Variants in RAP1GAP2 observed in about 807,000 individuals in gnomAD.
RAP1GAP2 encodes RAP1 GTPase activating protein 2.
A neutral mutation model predicts 95.0 loss-of-function variants in RAP1GAP2; 27 were observed. That is an observed-to-expected ratio of 0.28 (90% confidence interval 0.21 to 0.39). The LOEUF is 0.39. RAP1GAP2 is among the 10% of genes least tolerant of loss of function. RAP1GAP2 has a pLI of 1.00. For missense variants in RAP1GAP2, 771 were observed against 970.0 expected (o/e 0.79, Z 2.72); for synonymous variants, 373 against 380.9 (o/e 0.98, Z 0.24).
intron 3 of RAP1GAP2, among the ~76,000 whole-genome samples, chr17:2,920,611 G>A (rs1015150230): frequency 6.6e-6 from 1 of 152,202 alleles, no homozygotes; most frequent in African/African-American, 2.4e-5. Context: ...TTTATAGAAC[G>A]GAGCTCACCC....
intron 3 of RAP1GAP2, among the ~76,000 whole-genome samples, chr17:2,928,501 C>G (rs1399598716): frequency 6.6e-6 from 1 of 152,102 alleles, no homozygotes. Flanking sequence ...GACGGAGGCA[C>G]TGCCTTCTGC....
chr17:2,930,759 A>C (rs976213014), intron 3 of RAP1GAP2, among the ~76,000 whole-genome samples: 1 of 152,208 alleles, frequency 6.6e-6, no homozygotes, highest in Admixed American at 6.5e-5. Flanking sequence ...AGGACAGGCA[A>C]ATTAGAAACT....
intron 2 of RAP1GAP2, among the ~76,000 whole-genome samples, chr17:2,868,510 G>C (rs2072709603): frequency 7.2e-6 from 1 of 139,438 alleles, no homozygotes; most frequent in Admixed American, 8.3e-5. Context: ...TCCTCTACCA[G>C]GTGCAATTTT....
intron 24 of RAP1GAP2, chr17:3,032,947 G>A (rs745309122): frequency 1.1e-5 from 2 of 178,120 alleles, no homozygotes; most frequent in African/African-American, 2.4e-5. Context: ...CAGAGTGGCC[G>A]TGGGTCCAGC....
At chr17:2,984,212 A>G (rs997028222) in intron 10 of RAP1GAP2, among the ~76,000 whole-genome samples, 1 of 151,982 alleles carries the variant, frequency 6.6e-6, no homozygotes, top group Admixed American at 6.6e-5. Context: ...AGCCGGTGTG[A>G]TGGTGGGGGC....
intron 2 of RAP1GAP2, among the ~76,000 whole-genome samples, chr17:2,845,873 TA>T (rs140510612): frequency 0.14 from 21,120 of 147,476 alleles, 1,704 homozygotes; most frequent in Middle Eastern, 0.18. Context: ...AATAAATAAA[TA>T]AAATAAAATA....
chr17:2,755,762 G>A (rs552730017), exon 1 of RAP1GAP2: 3 of 356,184 alleles, frequency 8.4e-6, no homozygotes, highest in Admixed American at 4.7e-5. Context: ...GGCAGCTGGT[G>A]CGCTGGTGAG....
intron 3 of RAP1GAP2, among the ~76,000 whole-genome samples, chr17:2,916,644 T>C (rs2042578424): frequency 6.6e-6 from 1 of 152,148 alleles, no homozygotes. Context: ...ATAGGGACGG[T>C]GGCCACCGGG....
At chr17:2,821,156 C>G (rs2070287589) in intron 2 of RAP1GAP2, among the ~76,000 whole-genome samples, 1 of 152,040 alleles carries the variant, frequency 6.6e-6, no homozygotes, top group Non-Finnish European at 1.5e-5. Flanking sequence ...TCCACAGGCC[C>G]AGGGATGCGC....
intron 8 of RAP1GAP2, among the ~76,000 whole-genome samples, chr17:2,978,663 G>A (rs2045226744): frequency 6.6e-6 from 1 of 152,204 alleles, no homozygotes; most frequent in African/African-American, 2.4e-5. Context: ...GCCGGGTGCT[G>A]TGGCTCACCC....
intron 19 of RAP1GAP2, among the ~76,000 whole-genome samples, chr17:3,021,430 CTTTTTTTTTTTT>C (rs57099220): frequency 2.1e-5 from 2 of 95,780 alleles, no homozygotes; most frequent in South Asian, 1.0e-3. Flanking sequence ...CGATATTTGT[CTTTTTTTTTTTT>C]TTTTTTTTTT....
chr17:2,853,048 G>T (rs2071942633), intron 2 of RAP1GAP2, among the ~76,000 whole-genome samples: 1 of 152,160 alleles, frequency 6.6e-6, no homozygotes, highest in East Asian at 1.9e-4. Context: ...CGGGGTCGCC[G>T]TGAAGTTGGT....
rs1156801416 is a variant in RAP1GAP2, at chr17:2,904,774, G to C, written c.81-510G>C. On this transcript the variant is annotated intron_variant, in intron 2 of 24. Coordinates refer to ENST00000254695, the MANE Select transcript of RAP1GAP2 (RefSeq NM_015085.5). This position sits in a 1 kb window ranked among gnomAD's most constrained non-coding sequence, Gnocchi z 4.7. ...ACCTGCAAATGTGCATGTCTTTCGAGTTCCCAGGTGCCGCTGGTGGTCCAG... is the reference window on the plus strand; with the variant it reads ...ACCTGCAAATGTGCATGTCTTTCGACTTCCCAGGTGCCGCTGGTGGTCCAG... 1.3e-5 allele frequency among the ~76,000 whole-genome samples: 2 copies of C among 152,128 alleles called. No individual in the cohort carries two copies. Among genetic ancestry groups the C allele is most frequent in the Non-Finnish European group, 2.9e-5 (2 of 68,026 alleles).
chr17:3,033,095 CTG>C lies in RAP1GAP2; in HGVS notation c.*31-293_*31-292del, dbSNP rs1297215327. 1 of 153,216 alleles carries C rather than the reference CTG, an allele frequency of 6.5e-6. No individual in the cohort carries two copies. Among genetic ancestry groups the C allele is most frequent in the African/African-American group, 2.4e-5 (1 of 41,448 alleles). 9.5% of individuals were successfully genotyped at this position (153,216 alleles called of 1,614,324 possible). A position where few individuals can be genotyped will look rare whatever the true frequency, so the allele number is the denominator to read the frequency against. On this transcript the variant is annotated intron_variant, in intron 24 of 24. Transcript: ENST00000254695. The surrounding 1 kb of genome is among the most constrained non-coding windows in gnomAD (Gnocchi z 4.9). Reference sequence around the variant, plus strand: ...GAGGAGGGGTACAACCGAACCCACTCTGTGTTCAACCTGATTTATGAAAAAGC... The same window carrying C: ...GAGGAGGGGTACAACCGAACCCACTCTGTTCAACCTGATTTATGAAAAAGC...
At position 2,857,829 on chromosome 17, in the gene RAP1GAP2, G is replaced by T. The variant is rs2072209034; in HGVS notation, c.81-47455G>T. Among the ~76,000 whole-genome samples, 1 of 152,252 alleles carries T rather than the reference G, an allele frequency of 6.6e-6. No homozygotes were observed. The highest frequency in any genetic ancestry group is 1.5e-5 in the Non-Finnish European group (1 of 68,050). On this transcript the variant is annotated intron_variant, in intron 2 of 24. Coordinates refer to ENST00000254695, the MANE Select transcript of RAP1GAP2 (RefSeq NM_015085.5). The surrounding 1 kb of genome is among the most constrained non-coding windows in gnomAD (Gnocchi z 4.0). ...ATATGTACGTTCTTGGCCGGGCGCG[G>T]CAGCTCACGCCTGTAATCCCAGCAC...
chr17:2,982,006 G>A (rs2045378610), intron 10 of RAP1GAP2, among the ~76,000 whole-genome samples: 1 of 152,226 alleles, frequency 6.6e-6, no homozygotes, highest in South Asian at 2.1e-4. Context: ...GGGTCACGCT[G>A]CAGCGGCTGA....
Position 2,825,148 on chromosome 17 carries a change from G to T in RAP1GAP2, c.80+24598G>T, listed in dbSNP as rs1254376251. Among the ~76,000 whole-genome samples, 2 of 152,088 alleles carry T rather than the reference G, an allele frequency of 1.3e-5. No individual in the cohort carries two copies. Among genetic ancestry groups the T allele is most frequent in the Non-Finnish European group, 2.9e-5 (2 of 68,026 alleles). On this transcript the variant is annotated intron_variant, in intron 2 of 24. Coordinates refer to ENST00000254695, the MANE Select transcript of RAP1GAP2 (RefSeq NM_015085.5). The surrounding 1 kb of genome is among the most constrained non-coding windows in gnomAD (Gnocchi z 4.1). ...GGGGTCTTGCTATGCTGTCCAGGCT[G>T]GTCTTGAACTCCTGGCCTCAAGTGA...
rs1271667760 is a variant in RAP1GAP2 at position 2,827,044 on chromosome 17, A to G, written c.80+26494A>G. On this transcript the variant is annotated intron_variant, in intron 2 of 24. Coordinates refer to ENST00000254695, the MANE Select transcript of RAP1GAP2 (RefSeq NM_015085.5). The surrounding 1 kb of genome is among the most constrained non-coding windows in gnomAD (Gnocchi z 4.1). ...AGAGAAAGAAAGAAAGAGAGAGAGA[A>G]AGAAAGAAAGAGAAAGTCCCATGGA... Among the ~76,000 whole-genome samples the G allele has an allele frequency of 2.0e-5, 3 of 149,858 alleles. No homozygotes were observed. The highest frequency in any genetic ancestry group is 7.6e-5 in the African/African-American group (3 of 39,410).
At chr17:2,957,695 A>G in intron 3 of RAP1GAP2, 64 bp from the exon 4 acceptor site, 1 of 1,512,630 alleles carries the variant, frequency 6.6e-7, no homozygotes, top group Non-Finnish European at 9.1e-7. Context: ...GGTGAGGAAG[A>G]GGCTTTTGCT....
Sources: allele counts gnomAD v4.1 joint callset (sites outside exome capture counted in the v4.1 genomes callset), GRCh38; gene constraint gnomAD v4.1.1; non-coding constraint Gnocchi (gnomAD v3.1); transcripts MANE v1.5; gene names NCBI Gene and HGNC (gene_info 2026-07-23, HGNC 2026-07-21).